The following RBFOX2 variants were observed in gnomAD, a reference collection of about 807,000 sequenced individuals.
The protein encoded by RBFOX2 is RNA binding fox-1 homolog 2.
In RBFOX2, 10 loss-of-function variants were observed where a neutral mutation model predicts 49.1. That is an observed-to-expected ratio of 0.20 (90% CI 0.13 to 0.35). The LOEUF is 0.35. Among genes scored for constraint, RBFOX2 ranks in the 10% least tolerant of loss-of-function variants. The pLI is 1.00. For missense variants in RBFOX2, 323 were observed against 486.9 expected, an observed-to-expected ratio of 0.66 and a Z score of 3.17; for synonymous variants, 183 against 187.4, an observed-to-expected ratio of 0.98 and a Z score of 0.19.
intron 1 of RBFOX2, among the ~76,000 whole-genome samples, chr22:35,823,964 AT>A (rs1304790830): frequency 6.6e-6 from 1 of 152,136 alleles, no homozygotes; most frequent in East Asian, 1.9e-4. Context: ...CCTGGCCAAC[AT>A]GGTGAAACCC....
intron 1 of RBFOX2, among the ~76,000 whole-genome samples, chr22:35,925,336 T>G (rs1338978814): frequency 6.6e-6 from 1 of 152,092 alleles, no homozygotes; most frequent in Non-Finnish European, 1.5e-5. Flanking sequence ...CTGGGCAACA[T>G]AGCAAGACGC....
At chr22:35,998,021 A>C (rs2058261822) in intron 1 of RBFOX2, 1 of 152,026 alleles carries the variant, frequency 6.6e-6, no homozygotes. Context: ...AAATAATGAC[A>C]TCTTTGTTAA....
intron 1 of RBFOX2, among the ~76,000 whole-genome samples, chr22:35,826,492 A>G (rs1955763399): frequency 6.6e-6 from 1 of 152,206 alleles, no homozygotes; most frequent in Non-Finnish European, 1.5e-5. Flanking sequence ...TCATATGAAC[A>G]GTCACATCAA....
chr22:35,876,487 A>G (rs943638160), intron 1 of RBFOX2, among the ~76,000 whole-genome samples: 4 of 152,152 alleles, frequency 2.6e-5, no homozygotes, highest in African/African-American at 9.7e-5. Context: ...TATAATAGGC[A>G]GTACCACAGC....
upstream of RBFOX2, among the ~76,000 whole-genome samples, chr22:35,963,455 A>C (rs1229455695): frequency 6.6e-6 from 1 of 152,220 alleles, no homozygotes; most frequent in African/African-American, 2.4e-5. Context: ...TTAGTATTAA[A>C]AGCACTAATA....
At chr22:35,960,561 T>C (rs960205526) in intron 1 of RBFOX2, among the ~76,000 whole-genome samples, 1 of 152,176 alleles carries the variant, frequency 6.6e-6, no homozygotes, top group Admixed American at 6.5e-5. Context: ...ATTCCTCAGA[T>C]GCTACCATCA....
chr22:35,896,729 G>T (rs1382594092), intron 1 of RBFOX2, among the ~76,000 whole-genome samples: 1 of 152,168 alleles, frequency 6.6e-6, no homozygotes, highest in Non-Finnish European at 1.5e-5. Context: ...GAGAGGTGGG[G>T]CAGGTATTCT....
chr22:35,888,594 T>C (rs2046882199), intron 1 of RBFOX2, among the ~76,000 whole-genome samples: 1 of 152,184 alleles, frequency 6.6e-6, no homozygotes, highest in South Asian at 2.1e-4. Flanking sequence ...GGCACCTGCA[T>C]CTGGTGAGGG....
intron 1 of RBFOX2, among the ~76,000 whole-genome samples, chr22:35,885,680 C>T (rs959931977): frequency 1.3e-5 from 2 of 151,788 alleles, no homozygotes; most frequent in South Asian, 2.1e-4. Flanking sequence ...GTCGTTTCCC[C>T]GCATAAACAA....
At chr22:35,811,143 A>G (rs1951788585) in intron 1 of RBFOX2, among the ~76,000 whole-genome samples, 1 of 152,110 alleles carries the variant, frequency 6.6e-6, no homozygotes, top group African/African-American at 2.4e-5. Flanking sequence ...TAGTGGTGAA[A>G]GAAAAAAGGC....
At chr22:35,840,372 A>C in exon 1 of RBFOX2, 1 of 1,533,268 alleles carries the variant, frequency 6.5e-7, no homozygotes, top group Non-Finnish European at 8.7e-7. Flanking sequence ...TTTCTTTCTA[A>C]TGTTTCTTCC....
At chr22:35,934,375 G>A (rs990758820) in intron 1 of RBFOX2, among the ~76,000 whole-genome samples, 2 of 151,994 alleles carry the variant, frequency 1.3e-5, no homozygotes, top group African/African-American at 2.4e-5. Context: ...CAATTGTTTA[G>A]ATTAACCCAC....
At chr22:35,843,817 C>A (rs908731440), upstream of RBFOX2, among the ~76,000 whole-genome samples, 6 of 152,068 alleles carry the variant, frequency 3.9e-5, no homozygotes, top group African/African-American at 1.4e-4. Context: ...CACAGGCACC[C>A]CAGTAGAAAT....
chr22:35,981,812 C>T (rs2057469840), intron 1 of RBFOX2, among the ~76,000 whole-genome samples: 1 of 152,000 alleles, frequency 6.6e-6, no homozygotes, highest in Non-Finnish European at 1.5e-5. Context: ...GTCATTTTCC[C>T]CTTATGTTTG....
At chr22:36,000,902 G>C (rs994318336) in intron 1 of RBFOX2, among the ~76,000 whole-genome samples, 3 of 152,116 alleles carry the variant, frequency 2.0e-5, no homozygotes, top group African/African-American at 7.2e-5. Context: ...TTTTAGAAAT[G>C]AAAGTTCTTT....
intron 1 of RBFOX2, among the ~76,000 whole-genome samples, chr22:35,858,301 C>T (rs2042726689): frequency 6.6e-6 from 1 of 152,128 alleles, no homozygotes; most frequent in African/African-American, 2.4e-5. Flanking sequence ...GGCCTCTGTG[C>T]CTTTGATCAT....
At chr22:35,921,676 C>A (rs1315414351) in intron 1 of RBFOX2, among the ~76,000 whole-genome samples, 1 of 152,232 alleles carries the variant, frequency 6.6e-6, no homozygotes, top group South Asian at 2.1e-4. Flanking sequence ...GGGAATTGGT[C>A]TTCCACTTAA....
At chr22:35,943,496 G>T (rs145828080), upstream of RBFOX2, among the ~76,000 whole-genome samples, 1 of 152,112 alleles carries the variant, frequency 6.6e-6, no homozygotes, top group African/African-American at 2.4e-5. Context: ...AATACCAACC[G>T]TAAGAATCTT....
chr22:35,739,762 C>G (rs1928901567), exon 12 of RBFOX2: 1 of 152,646 alleles, frequency 6.6e-6, no homozygotes, highest in East Asian at 1.9e-4. Flanking sequence ...ATCACTGCTC[C>G]CTTTTTGCTC....
Sources: gnomAD v4.1 joint callset for allele counts (sites outside exome capture counted in the v4.1 genomes callset) on GRCh38, gnomAD v4.1.1 for gene constraint, MANE v1.5 for transcripts, NCBI Gene and HGNC (gene_info 2026-07-23, HGNC 2026-07-21) for gene names.